The following SAMD4A variants were observed in gnomAD, a reference collection of about 807,000 sequenced individuals.
SAMD4A encodes sterile alpha motif domain containing 4A.
SAMD4A carries 33 observed loss-of-function variants against 81.3 expected under a neutral mutation model. That is an observed-to-expected ratio of 0.41 (90% CI 0.31 to 0.54). SAMD4A has a LOEUF of 0.54. Among genes scored for constraint, SAMD4A ranks in the 20% least tolerant of loss-of-function variants. The probability of loss-of-function intolerance (pLI) is 0.37; values close to 1 mark genes in which losing one functional copy is unlikely to be tolerated. For synonymous variants in SAMD4A, 389 were observed against 382.1 expected, an observed-to-expected ratio of 1.02 and a Z score of -0.21; for missense variants, 854 against 951.1, an observed-to-expected ratio of 0.90 and a Z score of 1.34.
Position 54,761,194 on chromosome 14 carries a change from AT to A in SAMD4A, c.1510+702del, listed in dbSNP as rs2038389130. 3.3e-5 allele frequency among the ~76,000 whole-genome samples: 5 copies of A among 152,330 alleles called. No individual in the cohort carries two copies. In the South Asian group the frequency reaches 1.0e-3, roughly 32 times the overall value. On this transcript the variant is annotated intron_variant, in intron 7 of 12. Coordinates refer to ENST00000554335, the MANE Select transcript of SAMD4A (RefSeq NM_015589.6). ...GTGCTTTACCTATAGAGCTTACTTA[AT>A]TCCCAAGTTATCCCATTTTACAGAG...
chr14:54,620,355 GCATCAT>G (rs34908548), intron 2 of SAMD4A, among the ~76,000 whole-genome samples: 3 of 151,028 alleles, frequency 2.0e-5, no homozygotes, highest in East Asian at 2.0e-4. Flanking sequence ...CCATGTTGGA[GCATCAT>G]CATCATCATC....
At chr14:54,703,511 T>C (rs2036772617) in intron 3 of SAMD4A, 1 of 152,158 alleles carries the variant, frequency 6.6e-6, no homozygotes, top group African/African-American at 2.4e-5. Flanking sequence ...AGGAATGCTT[T>C]TGCAATTAGA....
chr14:54,733,938 T>A (rs1181043024), intron 3 of SAMD4A, among the ~76,000 whole-genome samples: 1 of 152,216 alleles, frequency 6.6e-6, no homozygotes, highest in Non-Finnish European at 1.5e-5. Flanking sequence ...AAACAACCAC[T>A]GCTACTCTGC....
At chr14:54,584,956 T>TA (rs1307520616) in intron 2 of SAMD4A, among the ~76,000 whole-genome samples, 10 of 152,192 alleles carry the variant, frequency 6.6e-5, no homozygotes, top group Non-Finnish European at 1.5e-5. Context: ...TAGAAAGATT[T>TA]AAAAAAGAAA....
intron 9 of SAMD4A, among the ~76,000 whole-genome samples, chr14:54,773,841 A>G (rs1289424916): frequency 1.3e-5 from 2 of 152,224 alleles, no homozygotes; most frequent in African/African-American, 4.8e-5. Context: ...CATTCATTCA[A>G]CTGCATTCAC....
At chr14:54,736,943 GGT>G in intron 3 of SAMD4A, 79 bp from the exon 4 acceptor site, 1 of 1,486,922 alleles carries the variant, frequency 6.7e-7, no homozygotes. Flanking sequence ...TATCTCTCAG[GGT>G]TAAGAGGTAT....
At chr14:54,696,642 T>C (rs1236875680) in intron 2 of SAMD4A, among the ~76,000 whole-genome samples, 1 of 152,212 alleles carries the variant, frequency 6.6e-6, no homozygotes, top group East Asian at 1.9e-4. Flanking sequence ...GTAGCAATAA[T>C]ACCAGACTTG....
intron 2 of SAMD4A, among the ~76,000 whole-genome samples, chr14:54,644,355 CTA>C (rs1436518159): frequency 6.6e-6 from 1 of 152,032 alleles, no homozygotes; most frequent in Admixed American, 6.5e-5. Context: ...TAAATTGCAC[CTA>C]GTTTATTAAT....
At chr14:54,704,866 G>A (rs1163208911) in intron 3 of SAMD4A, among the ~76,000 whole-genome samples, 1 of 152,200 alleles carries the variant, frequency 6.6e-6, no homozygotes, top group Non-Finnish European at 1.5e-5. Flanking sequence ...TGGTTCAATT[G>A]TGTGAGTCAA....
chr14:54,725,316 C>A (rs1436198007), intron 3 of SAMD4A, among the ~76,000 whole-genome samples: 1 of 152,154 alleles, frequency 6.6e-6, no homozygotes, highest in African/African-American at 2.4e-5. Flanking sequence ...ATCTCCTGAC[C>A]CTCCATAAAA....
At chr14:54,701,839 T>C (rs1224411692) in intron 2 of SAMD4A, among the ~76,000 whole-genome samples, 1 of 152,262 alleles carries the variant, frequency 6.6e-6, no homozygotes, top group Non-Finnish European at 1.5e-5. Context: ...GAGAATTTGA[T>C]TGAGTACTCA....
intron 2 of SAMD4A, among the ~76,000 whole-genome samples, chr14:54,584,961 A>C (rs2033574880): frequency 6.6e-6 from 1 of 152,220 alleles, no homozygotes; most frequent in Non-Finnish European, 1.5e-5. Context: ...AGATTTAAAA[A>C]AGAAAAAGTT....
intron 2 of SAMD4A, among the ~76,000 whole-genome samples, chr14:54,658,177 G>A (rs11158019): frequency 0.42 from 64,118 of 151,904 alleles, 14,474 homozygotes; most frequent in East Asian, 0.78. Context: ...CAGGTGTGGT[G>A]TCAGGTGCCC....
rs1046587665 is a variant in SAMD4A at position 54,790,687 on chromosome 14, T to G, written c.*1743T>G. On this transcript the variant is annotated 3_prime_UTR_variant, in exon 13 of 13. Coordinates refer to ENST00000554335, the MANE Select transcript of SAMD4A (RefSeq NM_015589.6). The stretch of plus-strand genomic sequence containing the variant: ...GGGTGCCTGGTTGTGTGTGTGTGTG[T>G]GTGTGTGTGTGTGTGTGTGTGAAGT... The G allele has an allele frequency of 7.9e-5, 12 of 151,586 alleles. No homozygotes were observed. Among genetic ancestry groups the G allele is most frequent in the Admixed American group, 2.6e-4 (4 of 15,232 alleles). The allele number at this position is 151,586 out of a possible 1,614,324, so 9.4% of individuals were successfully genotyped here. A position where few individuals can be genotyped will look rare whatever the true frequency, so the allele number is the denominator to read the frequency against.
chr14:54,747,588 G>T (rs748732095), intron 4 of SAMD4A, among the ~76,000 whole-genome samples: 2 of 152,176 alleles, frequency 1.3e-5, no homozygotes, highest in African/African-American at 2.4e-5. Context: ...GACATGATTG[G>T]TAATAGATAA....
At chr14:54,586,512 T>A (rs2033622683) in intron 2 of SAMD4A, among the ~76,000 whole-genome samples, 1 of 152,234 alleles carries the variant, frequency 6.6e-6, no homozygotes, top group African/African-American at 2.4e-5. Context: ...TAAGCCAATA[T>A]CTAGAAGGGT....
chr14:54,618,128 A>G (rs1457059248), intron 2 of SAMD4A, among the ~76,000 whole-genome samples: 1 of 152,214 alleles, frequency 6.6e-6, no homozygotes, highest in African/African-American at 2.4e-5. Context: ...CTTGAGTAAG[A>G]TGGCTTCTGG....
At chr14:54,605,087 A>C (rs1319931801) in intron 2 of SAMD4A, among the ~76,000 whole-genome samples, 1 of 152,200 alleles carries the variant, frequency 6.6e-6, no homozygotes, top group Non-Finnish European at 1.5e-5. Flanking sequence ...CTGATCTTTA[A>C]CAAGCTAGTT....
intron 2 of SAMD4A, among the ~76,000 whole-genome samples, chr14:54,601,304 T>A (rs1298545421): frequency 6.6e-6 from 1 of 152,210 alleles, no homozygotes; most frequent in Admixed American, 6.5e-5. Flanking sequence ...AGCTCTTTTT[T>A]TCTTTATTTC....
Sources: gnomAD v4.1 joint callset for allele counts (sites outside exome capture counted in the v4.1 genomes callset) on GRCh38, gnomAD v4.1.1 for gene constraint, MANE v1.5 for transcripts, NCBI Gene and HGNC (gene_info 2026-07-23, HGNC 2026-07-21) for gene names.